DACH2: variants seen among roughly 807,000 people sequenced by gnomAD.
DACH2 encodes dachshund homolog 2.
In DACH2, 17 loss-of-function variants were observed where a neutral mutation model predicts 35.8. The observed-to-expected ratio is 0.48, with a 90% CI of 0.33 to 0.71. DACH2 has a LOEUF of 0.71. Among genes scored for constraint, DACH2 ranks in the 30% least tolerant of loss-of-function variants. DACH2 has a pLI of 0.02. For missense variants in DACH2, 469 were observed against 472.7 expected, an observed-to-expected ratio of 0.99 and a Z score of 0.07; for synonymous variants, 195 against 177.3, an observed-to-expected ratio of 1.10 and a Z score of -0.79.
intron 4 of DACH2, among the ~76,000 whole-genome samples, chrX:86,687,613 T>G (rs1438533156): frequency 2.7e-5 from 3 of 111,405 alleles, no homozygotes; most frequent in African/African-American, 9.8e-5. Context: ...CGTGGCACTA[T>G]TCACAATAGC....
chrX:86,543,841 G>T (rs1458437769), intron 3 of DACH2, among the ~76,000 whole-genome samples: 2 of 75,926 alleles, frequency 2.6e-5, no homozygotes, highest in African/African-American at 4.9e-5. Flanking sequence ...ATTGTGGGGT[G>T]GGGGGAGGGG....
intron 2 of DACH2, among the ~76,000 whole-genome samples, chrX:86,399,448 C>T (rs1296117576): frequency 1.8e-5 from 2 of 111,268 alleles, no homozygotes; most frequent in South Asian, 3.8e-4. Context: ...TTATTTTGCT[C>T]GTTAGTTGAT....
At chrX:86,748,112 T>G (rs914565492) in intron 7 of DACH2, among the ~76,000 whole-genome samples, 1 of 111,952 alleles carries the variant, frequency 8.9e-6, no homozygotes, top group African/African-American at 3.2e-5. Context: ...TACTTCTAAT[T>G]CTAGTACTTT....
At chrX:86,294,777 T>G (rs1470134091) in intron 1 of DACH2, among the ~76,000 whole-genome samples, 2 of 109,168 alleles carry the variant, frequency 1.8e-5, no homozygotes, top group Non-Finnish European at 3.8e-5. Flanking sequence ...AGTCTGCCCG[T>G]TCTCAGATCT....
chrX:86,299,344 C>T (rs1282169675), intron 1 of DACH2, among the ~76,000 whole-genome samples: 1 of 111,415 alleles, frequency 9.0e-6, no homozygotes, highest in African/African-American at 3.3e-5. Context: ...CTTTTCCATG[C>T]CCCCAATGAG....
chrX:86,431,485 T>C (rs953673286), intron 2 of DACH2, among the ~76,000 whole-genome samples: 2 of 111,567 alleles, frequency 1.8e-5, no homozygotes, highest in Non-Finnish European at 3.8e-5. Flanking sequence ...TGAGGACTTA[T>C]ATCTGATGGA....
At chrX:86,417,365 A>G (rs190848171) in intron 2 of DACH2, among the ~76,000 whole-genome samples, 2 of 111,846 alleles carry the variant, frequency 1.8e-5, no homozygotes, top group Admixed American at 9.5e-5. Flanking sequence ...TGCTGCCAAT[A>G]AAGACATACC....
intron 1 of DACH2, among the ~76,000 whole-genome samples, chrX:86,358,367 A>G (rs1238760926): frequency 9.2e-6 from 1 of 108,253 alleles, no homozygotes; most frequent in African/African-American, 3.3e-5. Context: ...AGTTTTAAGT[A>G]CGATTCAAAG....
At chrX:86,814,170 C>A (rs989214012) in intron 9 of DACH2, among the ~76,000 whole-genome samples, 8 of 111,585 alleles carry the variant, frequency 7.2e-5, no homozygotes, top group African/African-American at 2.6e-4. Context: ...ATTAAACAGA[C>A]AGATATTTCC....
intron 4 of DACH2, among the ~76,000 whole-genome samples, chrX:86,654,199 A>C (rs1235515639): frequency 2.8e-5 from 3 of 106,397 alleles, no homozygotes; most frequent in African/African-American, 1.0e-4. Flanking sequence ...AAAAAAAAAA[A>C]AAAAAAAAAA....
chrX:86,496,576 GA>G (rs2038175154), intron 2 of DACH2, among the ~76,000 whole-genome samples: 1 of 110,361 alleles, frequency 9.1e-6, no homozygotes, highest in African/African-American at 3.3e-5. Flanking sequence ...AAAGAGAAGG[GA>G]GGGGGGACCT....
intron 6 of DACH2, among the ~76,000 whole-genome samples, chrX:86,731,345 G>A (rs932480490): frequency 1.8e-5 from 2 of 111,291 alleles, no homozygotes; most frequent in Non-Finnish European, 3.8e-5. Context: ...TTTAACAATT[G>A]GCTCTAGTTT....
At chrX:86,776,922 G>GT (rs1208132097) in intron 7 of DACH2, among the ~76,000 whole-genome samples, 2 of 111,841 alleles carry the variant, frequency 1.8e-5, no homozygotes, top group Non-Finnish European at 3.8e-5. Flanking sequence ...TGAACTCATT[G>GT]TTTTTTATGG....
intron 1 of DACH2, among the ~76,000 whole-genome samples, chrX:86,334,330 C>T (rs971782847): frequency 2.7e-5 from 3 of 112,055 alleles, no homozygotes; most frequent in Admixed American, 9.4e-5. Context: ...TGAGGAATTG[C>T]CACACTGTCT....
At chrX:86,797,851 C>T (rs1216582485) in intron 7 of DACH2, among the ~76,000 whole-genome samples, 1 of 111,566 alleles carries the variant, frequency 9.0e-6, no homozygotes, top group African/African-American at 3.3e-5. Flanking sequence ...GATAGTTGTA[C>T]AAAGTGTATC....
At chrX:86,736,695 T>C (rs1399506279) in intron 6 of DACH2, among the ~76,000 whole-genome samples, 1 of 111,491 alleles carries the variant, frequency 9.0e-6, no homozygotes, top group East Asian at 2.8e-4. Context: ...ACCATGAAAC[T>C]GTAGGGATCA....
At chrX:86,368,733 C>A (rs1295311868) in intron 1 of DACH2, among the ~76,000 whole-genome samples, 1 of 109,176 alleles carries the variant, frequency 9.2e-6, no homozygotes, top group Non-Finnish European at 1.9e-5. Flanking sequence ...CAGCTAATTA[C>A]AAAAAAATTC....
chrX:86,232,092 T>C (rs1399476018), intron 1 of DACH2, among the ~76,000 whole-genome samples: 1 of 111,793 alleles, frequency 8.9e-6, no homozygotes, highest in Admixed American at 9.5e-5. Context: ...GGTGTGCCAT[T>C]GTACACAAGC....
chrX:86,333,734 A>G (rs751161075), intron 1 of DACH2, among the ~76,000 whole-genome samples: 4 of 111,892 alleles, frequency 3.6e-5, no homozygotes, highest in Admixed American at 9.5e-5. Context: ...TTATTTTACA[A>G]TTAAACTTGA....
Sources: gnomAD v4.1 joint callset for allele counts (sites outside exome capture counted in the v4.1 genomes callset) on GRCh38, gnomAD v4.1.1 for gene constraint, MANE v1.5 for transcripts, NCBI Gene and HGNC (gene_info 2026-07-23, HGNC 2026-07-21) for gene names.